The following BBX variants were observed in gnomAD, a reference collection of about 807,000 sequenced individuals.
The protein encoded by BBX is BBX high mobility group box domain containing, also known as HMG box transcription factor BBX.
Under a neutral mutation model 100.2 loss-of-function variants are expected in BBX, and 30 were observed. The ratio of observed to expected loss-of-function variants is 0.30; its 90% CI spans 0.22 to 0.41. The LOEUF (loss-of-function observed/expected upper bound fraction) is 0.41. Among genes scored for constraint, BBX ranks in the 10% least tolerant of loss-of-function variants. The probability of loss-of-function intolerance (pLI) is 1.00; values close to 1 mark genes in which losing one functional copy is unlikely to be tolerated. For missense variants in BBX, 1,023 were observed against 1,129.8 expected, an observed-to-expected ratio of 0.91 and a Z score of 1.35; for synonymous variants, 376 against 388.1, an observed-to-expected ratio of 0.97 and a Z score of 0.37.
intron 17 of BBX, among the ~76,000 whole-genome samples, chr3:107,802,889 A>G (rs1212441673): frequency 2.6e-5 from 4 of 152,042 alleles, no homozygotes; most frequent in Non-Finnish European, 5.9e-5. Flanking sequence ...TCCCCACCCT[A>G]GTCCCCGGTC....
chr3:107,739,471 A>G (rs2063903603), intron 7 of BBX, among the ~76,000 whole-genome samples: 1 of 152,228 alleles, frequency 6.6e-6, no homozygotes, highest in South Asian at 2.1e-4. Flanking sequence ...ATCCAATGGT[A>G]GAACCCAGCC....
intron 2 of BBX, among the ~76,000 whole-genome samples, chr3:107,626,994 A>G (rs1553749396): frequency 6.6e-6 from 1 of 152,092 alleles, no homozygotes; most frequent in Non-Finnish European, 1.5e-5. Context: ...TGCAGCTGGT[A>G]TTTCCCAGAG....
At chr3:107,618,467 C>T (rs1234480556) in intron 2 of BBX, among the ~76,000 whole-genome samples, 2 of 151,942 alleles carry the variant, frequency 1.3e-5, no homozygotes, top group Non-Finnish European at 2.9e-5. Context: ...GACTTTTCTT[C>T]AGGTACCTGA....
At chr3:107,611,587 A>G (rs1170849152) in intron 2 of BBX, among the ~76,000 whole-genome samples, 2 of 152,190 alleles carry the variant, frequency 1.3e-5, no homozygotes, top group Non-Finnish European at 2.9e-5. Context: ...TTTCCACTGA[A>G]AAGACTGCTC....
intron 3 of BBX, among the ~76,000 whole-genome samples, chr3:107,692,078 A>G (rs962765833): frequency 5.3e-5 from 8 of 152,086 alleles, no homozygotes; most frequent in African/African-American, 1.2e-4. Flanking sequence ...GATACAGACT[A>G]TTGATTCTTA....
chr3:107,547,925 AGGGACTCT>A (rs1220716507), intron 2 of BBX, among the ~76,000 whole-genome samples: 6 of 152,288 alleles, frequency 3.9e-5, no homozygotes, highest in African/African-American at 1.2e-4. Context: ...TCACATATCT[AGGGACTCT>A]GACACCTAGA....
chr3:107,721,857 G>A (rs1051052911), intron 5 of BBX, among the ~76,000 whole-genome samples: 2 of 151,854 alleles, frequency 1.3e-5, no homozygotes, highest in African/African-American at 4.8e-5. Context: ...ATACAAATAA[G>A]GAAATATATG....
At chr3:107,719,017 T>C (rs1376529179) in intron 5 of BBX, among the ~76,000 whole-genome samples, 3 of 152,038 alleles carry the variant, frequency 2.0e-5, no homozygotes, top group Non-Finnish European at 4.4e-5. Flanking sequence ...GGGCAGGTAA[T>C]TGTGCTGGTG....
rs149848604 is a variant in BBX at position 107,676,084 on chromosome 3, T to G, written c.-10+30175T>G. ...TAAATTGATAATTTCTGTTTTACAA[T>G]GTGGGAATCTGAAAATATCTAGAAA... On this transcript the variant is annotated intron_variant, in intron 3 of 17. Transcript: ENST00000325805. 2.6e-5 allele frequency among the ~76,000 whole-genome samples: 4 copies of G among 152,236 alleles called. No homozygotes were observed. The East Asian group carries it at 7.7e-4, about 29-fold the overall frequency.
At chr3:107,749,614 A>G (rs1002795752) in intron 9 of BBX, among the ~76,000 whole-genome samples, 1 of 151,784 alleles carries the variant, frequency 6.6e-6, no homozygotes, top group African/African-American at 2.4e-5. Flanking sequence ...ACCGCTCAGC[A>G]TATGATTCAG....
At chr3:107,551,733 G>A (rs1370651330) in intron 2 of BBX, among the ~76,000 whole-genome samples, 1 of 152,168 alleles carries the variant, frequency 6.6e-6, no homozygotes, top group Non-Finnish European at 1.5e-5. Context: ...TTATAAATAA[G>A]AGCCTGCCCT....
chr3:107,763,889 G>A (rs2066135109), intron 10 of BBX, among the ~76,000 whole-genome samples: 1 of 152,106 alleles, frequency 6.6e-6, no homozygotes, highest in Non-Finnish European at 1.5e-5. Context: ...AAATATTGGT[G>A]ATTAATTTCA....
chr3:107,609,833 G>A (rs1232254771), intron 2 of BBX, among the ~76,000 whole-genome samples: 2 of 151,606 alleles, frequency 1.3e-5, no homozygotes, highest in Admixed American at 6.6e-5. Flanking sequence ...CTTTTCATTT[G>A]TTGATATTTT....
At chr3:107,700,863 C>T (rs2060993998) in intron 3 of BBX, among the ~76,000 whole-genome samples, 1 of 151,626 alleles carries the variant, frequency 6.6e-6, no homozygotes, top group African/African-American at 2.4e-5. Flanking sequence ...GGGTTGGTTC[C>T]AAGTCTTTGC....
intron 2 of BBX, among the ~76,000 whole-genome samples, chr3:107,533,450 C>T (rs1265735759): frequency 1.3e-5 from 2 of 152,152 alleles, no homozygotes; most frequent in African/African-American, 4.8e-5. Context: ...TGCTGAAACC[C>T]TGTGGCTCCA....
intron 2 of BBX, among the ~76,000 whole-genome samples, chr3:107,577,515 C>G (rs574558495): frequency 8.5e-5 from 13 of 152,068 alleles, no homozygotes; most frequent in Non-Finnish European, 1.8e-4. Flanking sequence ...TTTAAACTTT[C>G]TAAATCTCAG....
chr3:107,603,493 C>G (rs1272495557), intron 2 of BBX, among the ~76,000 whole-genome samples: 4 of 152,136 alleles, frequency 2.6e-5, no homozygotes, highest in Non-Finnish European at 4.4e-5. Flanking sequence ...ATTCTCCTGC[C>G]TCAGCCTCCT....
At chr3:107,753,028 TGAGA>T in intron 9 of BBX, among the ~76,000 whole-genome samples, 1 of 152,324 alleles carries the variant, frequency 6.6e-6, no homozygotes, top group African/African-American at 2.4e-5. Context: ...ATGAGATTAC[TGAGA>T]GAGGGTCCTA....
In BBX at chr3:107,695,869, A is replaced by T. The variant is rs900923701; in HGVS notation, c.-9-14583A>T. On this transcript the variant is annotated intron_variant, in intron 3 of 17. Transcript: ENST00000325805. ...GGTCACTCAGGACTTGCTTTATGAA[A>T]CTGGGTGCTCCTGTGTTGGGTGCAT... is the stretch of plus-strand genomic sequence containing the variant. Among the ~76,000 whole-genome samples, 13 of 151,726 alleles carry T rather than the reference A, an allele frequency of 8.6e-5. No individual in the cohort carries two copies. In the South Asian group the frequency reaches 2.3e-3, roughly 27 times the overall value.
Sources: gnomAD v4.1 joint callset for allele counts (sites outside exome capture counted in the v4.1 genomes callset) on GRCh38, gnomAD v4.1.1 for gene constraint, MANE v1.5 for transcripts, NCBI Gene and HGNC (gene_info 2026-07-23, HGNC 2026-07-21) for gene names.